Variants in APBB2 observed in about 807,000 individuals in gnomAD.
The protein encoded by APBB2 is amyloid beta precursor protein binding family B member 2.
Under a neutral mutation model 82.5 loss-of-function variants are expected in APBB2, and 38 were observed. The observed-to-expected ratio is 0.46, with a 90% CI of 0.36 to 0.60. The LOEUF is 0.60. APBB2 is among the 20% of genes least tolerant of loss of function. The pLI is 0.00. For synonymous variants in APBB2, 341 were observed against 368.2 expected (o/e 0.93, Z 0.85); for missense variants, 772 against 972.3 (o/e 0.79, Z 2.74).
intron 6 of APBB2, among the ~76,000 whole-genome samples, chr4:41,002,975 T>G (rs1373113634): frequency 1.3e-5 from 2 of 152,212 alleles, no homozygotes; most frequent in Non-Finnish European, 2.9e-5. Flanking sequence ...CTATTACTGA[T>G]AGTCTTGTCT....
intron 4 of APBB2, among the ~76,000 whole-genome samples, chr4:41,048,445 TA>T (rs1724235135): frequency 6.6e-6 from 1 of 152,212 alleles, no homozygotes; most frequent in Admixed American, 6.5e-5. Context: ...TCATATATAT[TA>T]ACCACTTCAA....
intron 10 of APBB2, among the ~76,000 whole-genome samples, chr4:40,903,410 T>C (rs1775870056): frequency 6.6e-6 from 1 of 152,126 alleles, no homozygotes; most frequent in Non-Finnish European, 1.5e-5. Flanking sequence ...GAGGTTGCAG[T>C]GAGCCAAGAT....
intron 12 of APBB2, among the ~76,000 whole-genome samples, chr4:40,864,969 C>T (rs2154337229): frequency 6.6e-6 from 1 of 152,020 alleles, no homozygotes; most frequent in East Asian, 1.9e-4. Context: ...AGCAATTCTC[C>T]CATCTCAGCC....
At chr4:41,210,506 C>T (rs994214058) in intron 1 of APBB2, among the ~76,000 whole-genome samples, 5 of 152,168 alleles carry the variant, frequency 3.3e-5, no homozygotes, top group African/African-American at 1.2e-4. Context: ...CAAACCATTT[C>T]GGCTGAGAGA....
At chr4:40,896,645 G>C (rs1773741425) in intron 10 of APBB2, among the ~76,000 whole-genome samples, 1 of 152,154 alleles carries the variant, frequency 6.6e-6, no homozygotes, top group Non-Finnish European at 1.5e-5. Context: ...AATCAAGAAG[G>C]AAAAATGAGA....
intron 1 of APBB2, among the ~76,000 whole-genome samples, chr4:41,200,009 C>T (rs1043923206): frequency 3.9e-5 from 6 of 152,178 alleles, no homozygotes; most frequent in African/African-American, 1.4e-4. Context: ...TGTTAACCAA[C>T]CCACTTCAAG....
chr4:41,030,110 C>T (rs6857908), intron 5 of APBB2, among the ~76,000 whole-genome samples: 6,970 of 152,038 alleles, frequency 0.046, 341 homozygotes, highest in African/African-American at 0.12. Context: ...GAGCTGAGGT[C>T]GCACCACCGC....
chr4:40,979,079 C>T (rs747315188), intron 6 of APBB2, among the ~76,000 whole-genome samples: 1 of 152,066 alleles, frequency 6.6e-6, no homozygotes, highest in African/African-American at 2.4e-5. Context: ...ACAATGAGTT[C>T]GGGTAACTTG....
At chr4:40,944,776 T>C in intron 7 of APBB2, 89 bp downstream of exon 7, 1 of 1,282,416 alleles carries the variant, frequency 7.8e-7, no homozygotes, top group Non-Finnish European at 1.1e-6. Context: ...CTTACCTTGA[T>C]GACCTGTTGG....
Position 41,070,806 on chromosome 4 carries a change from CA to C in APBB2, c.-148-5134del, listed in dbSNP as rs546191921. Among the ~76,000 whole-genome samples, 11 of 152,220 alleles carry C rather than the reference CA, an allele frequency of 7.2e-5. No individual in the cohort carries two copies. In the South Asian group the frequency reaches 2.3e-3, roughly 32 times the overall value. On this transcript the variant is annotated intron_variant, in intron 3 of 17. Coordinates refer to ENST00000508593, the MANE Select transcript of APBB2 (RefSeq NM_004307.2). ...ACTAGCAATATCTCGGGAAGGAAAT[CA>C]ACCTTTGAGACTTCTTTCTACTCTT... is the stretch of plus-strand genomic sequence containing the variant.
intron 12 of APBB2, among the ~76,000 whole-genome samples, chr4:40,849,386 C>T (rs1758602002): frequency 1.3e-5 from 2 of 152,192 alleles, no homozygotes; most frequent in African/African-American, 4.8e-5. Context: ...AGATTCCTTC[C>T]TTGGAACATT....
intron 17 of APBB2, among the ~76,000 whole-genome samples, chr4:40,819,003 T>C (rs144966618): frequency 1.8e-4 from 27 of 150,722 alleles, no homozygotes; most frequent in African/African-American, 6.6e-4. Flanking sequence ...GTGCAAACTT[T>C]CCCTTCATTC....
chr4:40,948,034 C>A (rs1273441055), intron 6 of APBB2, among the ~76,000 whole-genome samples: 1 of 152,174 alleles, frequency 6.6e-6, no homozygotes, highest in Non-Finnish European at 1.5e-5. Flanking sequence ...TCATGACTCC[C>A]AAGACTTACT....
At chr4:41,073,588 C>T (rs1734623253) in intron 3 of APBB2, among the ~76,000 whole-genome samples, 1 of 152,220 alleles carries the variant, frequency 6.6e-6, no homozygotes, top group African/African-American at 2.4e-5. Flanking sequence ...CTTGGCAGAG[C>T]TGTCCAAAGC....
In APBB2 at chr4:41,037,303, A is replaced by G. The variant is rs574028531; in HGVS notation, c.-50-3999T>C. 2.1e-4 allele frequency among the ~76,000 whole-genome samples: 32 copies of G among 152,340 alleles called. No homozygotes were observed. In the Middle Eastern group the frequency reaches 0.014, roughly 65 times the overall value. On this transcript the variant is annotated intron_variant, in intron 4 of 17. Transcript: ENST00000508593. ...GAATACTTGGCGTGGAAAAAATGTAAAATGTCTAATAATTTTTAAATATTG... is the reference window on the plus strand; with the variant it reads ...GAATACTTGGCGTGGAAAAAATGTAGAATGTCTAATAATTTTTAAATATTG...
intron 12 of APBB2, among the ~76,000 whole-genome samples, chr4:40,838,307 T>C (rs1477086007): frequency 4.2e-5 from 6 of 144,080 alleles, no homozygotes; most frequent in Admixed American, 3.5e-4. Context: ...GGATTACAGG[T>C]GTGCACCACC....
At chr4:41,209,010 C>G (rs1260007031) in intron 1 of APBB2, among the ~76,000 whole-genome samples, 1 of 152,042 alleles carries the variant, frequency 6.6e-6, no homozygotes, top group African/African-American at 2.4e-5. Flanking sequence ...GCTCTAATAC[C>G]TTTAAACTGA....
At position 41,052,777 on chromosome 4, in the gene APBB2, T is replaced by C. The variant is rs1279064484; in HGVS notation, c.-51+12799A>G. On this transcript the variant is annotated intron_variant, in intron 4 of 17. Coordinates refer to ENST00000508593, the MANE Select transcript of APBB2 (RefSeq NM_004307.2). ...ATTTTTCTTTCTTTCTTTCTTCTTT[T>C]TTTTTTTTTTGAGACAGTCTCACTC... Among the ~76,000 whole-genome samples the C allele has an allele frequency of 4.0e-5, 6 of 151,746 alleles. No homozygotes were observed. In the South Asian group the frequency reaches 1.0e-3, roughly 26 times the overall value.
chr4:40,869,917 C>T lies in APBB2; in HGVS notation c.1529+20447G>A, dbSNP rs548794562. 1.8e-4 allele frequency among the ~76,000 whole-genome samples: 27 copies of T among 151,794 alleles called. No homozygotes were observed. The South Asian group carries it at 5.4e-3, about 30-fold the overall frequency. On this transcript the variant is annotated intron_variant, in intron 12 of 17. Transcript: ENST00000508593. ...ATGAGGTCAAAGCAGGCCCCAGTCA[C>T]CCCATTCTGCTTGTGGGTATCTCCT... is the stretch of plus-strand genomic sequence containing the variant.
Sources: allele counts gnomAD v4.1 joint callset (sites outside exome capture counted in the v4.1 genomes callset), GRCh38; gene constraint gnomAD v4.1.1; transcripts MANE v1.5; gene names NCBI Gene and HGNC (gene_info 2026-07-23, HGNC 2026-07-21).